MFSD6: variants seen among roughly 807,000 people sequenced by gnomAD.
The protein encoded by MFSD6 is major facilitator superfamily domain containing 6, also known as major facilitator superfamily domain-containing protein 6.
In MFSD6, 26 loss-of-function variants were observed where a neutral mutation model predicts 56.3. The observed-to-expected ratio is 0.46, with a 90% confidence interval of 0.34 to 0.64. The LOEUF (loss-of-function observed/expected upper bound fraction) is 0.64. MFSD6 is among the 30% of genes least tolerant of loss of function. The pLI, the probability that MFSD6 is intolerant of heterozygous loss-of-function variation, is 0.01. For synonymous variants in MFSD6, 331 were observed against 366.9 expected (o/e 0.90, Z 1.12); for missense variants, 750 against 986.2 (o/e 0.76, Z 3.21).
rs1356499223 is a variant in MFSD6 at position 190,487,924 on chromosome 2, C to CA, written c.1631-732dup. ...AATAATTTTTTTTTCTTTTTTGAGACAGAATCTTGCTCTGTTGCCAGGCTG... is the reference window on the plus strand; with the variant it reads ...AATAATTTTTTTTTCTTTTTTGAGACAAGAATCTTGCTCTGTTGCCAGGCTG... On this transcript the variant is annotated intron_variant, in intron 4 of 7. Coordinates refer to ENST00000392328, the MANE Select transcript of MFSD6 (RefSeq NM_017694.4). This position sits in a 1 kb window ranked among gnomAD's most constrained non-coding sequence, Gnocchi z 5.5. Among the ~76,000 whole-genome samples, 1 of 151,980 alleles carries CA rather than the reference C, an allele frequency of 6.6e-6. No homozygotes were observed. The highest frequency in any genetic ancestry group is 1.9e-4 in the East Asian group (1 of 5,190).
intron 1 of MFSD6, chr2:190,411,705 C>T: frequency 1.0e-6 from 1 of 985,346 alleles, no homozygotes; most frequent in Non-Finnish European, 1.2e-6. Context: ...CTCAGGAGAT[C>T]AAAGTGAAAG....
intron 2 of MFSD6, among the ~76,000 whole-genome samples, chr2:190,432,081 G>A (rs1215189859): frequency 6.6e-6 from 1 of 152,064 alleles, no homozygotes; most frequent in Non-Finnish European, 1.5e-5. Flanking sequence ...TATAATCCTT[G>A]GTAATTACTC....
chr2:190,498,187 T>G lies in MFSD6; in HGVS notation c.2172+468T>G, dbSNP rs1439242251. ...TATGCAGGTGGCCTCACCTGAAAAA[T>G]AAGTCTAAAAGTGTGATTTTTCTTG... is the stretch of plus-strand genomic sequence containing the variant. On this transcript the variant is annotated intron_variant, in intron 7 of 7. Transcript: ENST00000392328. This position sits in a 1 kb window ranked among gnomAD's most constrained non-coding sequence, Gnocchi z 5.9. 1.3e-5 allele frequency among the ~76,000 whole-genome samples: 2 copies of G among 152,086 alleles called. No homozygotes were observed. Among genetic ancestry groups the G allele is most frequent in the African/African-American group, 2.4e-5 (1 of 41,404 alleles).
rs767593724 is a variant in MFSD6, at chr2:190,412,588, A to G, written c.-175-2704A>G. 16 of 985,214 alleles carry G rather than the reference A, an allele frequency of 1.6e-5. No homozygotes were observed. Among genetic ancestry groups the G allele is most frequent in the Non-Finnish European group, 1.8e-5 (15 of 829,908 alleles). 61.0% of individuals were successfully genotyped at this position (985,214 alleles called of 1,614,324 possible). The stretch of plus-strand genomic sequence containing the variant: ...AAGCAAACAAACACATCTGATGTCA[A>G]TTCTGTGTGGGGCAATGAAAACACC... On this transcript the variant is annotated intron_variant, in intron 1 of 7. Coordinates refer to ENST00000392328, the MANE Select transcript of MFSD6 (RefSeq NM_017694.4). The surrounding 1 kb of genome is among the most constrained non-coding windows in gnomAD (Gnocchi z 4.1).
chr2:190,414,421 A>C (rs1014167409), intron 1 of MFSD6, among the ~76,000 whole-genome samples: 8 of 152,358 alleles, frequency 5.3e-5, no homozygotes, highest in Admixed American at 2.6e-4. Context: ...ATATGCCCCA[A>C]TTCACATTTA....
chr2:190,462,890 C>T lies in MFSD6; in HGVS notation c.1533-6868C>T, dbSNP rs1257979642. Among the ~76,000 whole-genome samples, 18 of 152,348 alleles carry T rather than the reference C, an allele frequency of 1.2e-4. No individual in the cohort carries two copies. Among genetic ancestry groups the T allele is most frequent in the Non-Finnish European group, 4.4e-5 (3 of 68,036 alleles). Reference sequence around the variant, plus strand: ...TGATTCTGTGGCCTTGTCTCCTCTCCTCTCTGGCCACTCTTACCACCATTC... The same window carrying T: ...TGATTCTGTGGCCTTGTCTCCTCTCTTCTCTGGCCACTCTTACCACCATTC... On this transcript the variant is annotated intron_variant, in intron 3 of 7. Coordinates refer to ENST00000392328, the MANE Select transcript of MFSD6 (RefSeq NM_017694.4). This position sits in a 1 kb window ranked among gnomAD's most constrained non-coding sequence, Gnocchi z 5.7.
In MFSD6 at chr2:190,497,805, CA is replaced by C. The variant is rs1168306507; in HGVS notation, c.2172+88del. 3 of 1,428,928 alleles carry C rather than the reference CA, an allele frequency of 2.1e-6. No homozygotes were observed. The highest frequency in any genetic ancestry group is 2.9e-5 in the African/African-American group (2 of 69,892). 88.5% of individuals were successfully genotyped at this position (1,428,928 alleles called of 1,614,324 possible). A position where few individuals can be genotyped will look rare whatever the true frequency, so the allele number is the denominator to read the frequency against. ...CAGTTTTAATTACTCACTTTTCATT[CA>C]ACAAGATTTATTGAAAGTCTGGTGG... On this transcript the variant is annotated intron_variant, in intron 7 of 7. Transcript: ENST00000392328. This position sits in a 1 kb window ranked among gnomAD's most constrained non-coding sequence, Gnocchi z 5.2.
At position 190,494,018 on chromosome 2, in the gene MFSD6, C is replaced by T. The variant is rs1689519266; in HGVS notation, c.1892-3421C>T. ...GGAAATAACCAAGATGAGAGAATAACTAAATGAAATTGAAGGAAAAAAAAT... is the reference window on the plus strand; with the variant it reads ...GGAAATAACCAAGATGAGAGAATAATTAAATGAAATTGAAGGAAAAAAAAT... On this transcript the variant is annotated intron_variant, in intron 6 of 7. Coordinates refer to ENST00000392328, the MANE Select transcript of MFSD6 (RefSeq NM_017694.4). The surrounding 1 kb of genome is among the most constrained non-coding windows in gnomAD (Gnocchi z 5.7). 6.6e-6 allele frequency among the ~76,000 whole-genome samples: 1 copy of T among 150,594 alleles called. No homozygotes were observed. Among genetic ancestry groups the T allele is most frequent in the Non-Finnish European group, 1.5e-5 (1 of 67,654 alleles).
In MFSD6 at chr2:190,465,219, G is replaced by A. The variant is rs914524075; in HGVS notation, c.1533-4539G>A. ...GGTGATTTGGGTTTTCCACAGGGTA[G>A]TGTTTTCTGCTGCATCATTTGCTTC... On this transcript the variant is annotated intron_variant, in intron 3 of 7. Transcript: ENST00000392328. The surrounding 1 kb of genome is among the most constrained non-coding windows in gnomAD (Gnocchi z 4.6). Among the ~76,000 whole-genome samples the A allele has an allele frequency of 1.3e-5, 2 of 152,190 alleles. No homozygotes were observed.
chr2:190,492,497 C>T lies in MFSD6; in HGVS notation c.1891+2631C>T, dbSNP rs1248022636. Among the ~76,000 whole-genome samples, 1 of 152,146 alleles carries T rather than the reference C, an allele frequency of 6.6e-6. No homozygotes were observed. The highest frequency in any genetic ancestry group is 1.5e-5 in the Non-Finnish European group (1 of 68,020). On this transcript the variant is annotated intron_variant, in intron 6 of 7. Coordinates refer to ENST00000392328, the MANE Select transcript of MFSD6 (RefSeq NM_017694.4). The surrounding 1 kb of genome is among the most constrained non-coding windows in gnomAD (Gnocchi z 5.2). ...AAGGGATTGAGGCCCTATGTTCAGC[C>T]TCATAATTAATTTCCATAAATAAAT...
rs890160578 is a variant in MFSD6 at position 190,427,739 on chromosome 2, C to CT, written c.-53-8229dup. On this transcript the variant is annotated intron_variant, in intron 2 of 7. Coordinates refer to ENST00000392328, the MANE Select transcript of MFSD6 (RefSeq NM_017694.4). ...AAGAAGTCTACCACTTTTTTTTTTT[C>CT]TTTTTTTTTGAGACAGAGTTTCACT... 1.5e-4 allele frequency among the ~76,000 whole-genome samples: 21 copies of CT among 140,478 alleles called. No homozygotes were observed. The East Asian group carries it at 2.1e-3, about 14-fold the overall frequency. 92.2% of individuals were successfully genotyped at this position (140,478 alleles called of 152,430 possible). A position where few individuals can be genotyped will look rare whatever the true frequency, so the allele number is the denominator to read the frequency against.
rs1432987569 is a variant in MFSD6 at position 190,489,744 on chromosome 2, A to C, written c.1793-24A>C. The C allele has an allele frequency of 6.2e-7, 1 of 1,603,636 alleles. No homozygotes were observed. The highest frequency in any genetic ancestry group is 8.5e-7 in the Non-Finnish European group (1 of 1,171,366). ...TATCTGCATTTCTTGGAATTACTCT[A>C]TAGAGTGCTGTTTGTTTTTATAGGG... On this transcript the variant is annotated intron_variant, in intron 5 of 7. Coordinates refer to ENST00000392328, the MANE Select transcript of MFSD6 (RefSeq NM_017694.4). The surrounding 1 kb of genome is among the most constrained non-coding windows in gnomAD (Gnocchi z 6.6).
Position 190,434,839 on chromosome 2 carries a change from CTA to C in MFSD6, c.-53-1137_-53-1136del, listed in dbSNP as rs1253034755. Among the ~76,000 whole-genome samples, 1 of 152,172 alleles carries C rather than the reference CTA, an allele frequency of 6.6e-6. No individual in the cohort carries two copies. Among genetic ancestry groups the C allele is most frequent in the African/African-American group, 2.4e-5 (1 of 41,432 alleles). ...TCCCCAACCCCTGGACCATGGACCG[CTA>C]CCACTCTGTGGCCTGTTAGGAATTG... is the stretch of plus-strand genomic sequence containing the variant. On this transcript the variant is annotated intron_variant, in intron 2 of 7. Coordinates refer to ENST00000392328, the MANE Select transcript of MFSD6 (RefSeq NM_017694.4). The surrounding 1 kb of genome is among the most constrained non-coding windows in gnomAD (Gnocchi z 4.3).
intron 3 of MFSD6, among the ~76,000 whole-genome samples, chr2:190,446,482 A>C (rs1431973797): frequency 6.6e-6 from 1 of 152,210 alleles, no homozygotes; most frequent in Non-Finnish European, 1.5e-5. Context: ...AAAGTAGTTT[A>C]AACTGGGAGA....
intron 1 of MFSD6, chr2:190,411,604 A>C (rs1484400441): frequency 1.0e-6 from 1 of 979,198 alleles, no homozygotes; most frequent in Non-Finnish European, 1.2e-6. Context: ...AGGAAAACAA[A>C]AGAAGACTAG....
At position 190,500,458 on chromosome 2, in the gene MFSD6, C is replaced by T; in HGVS notation, c.*240C>T. The T allele has an allele frequency of 1.9e-6, 1 of 523,286 alleles. No homozygotes were observed. The highest frequency in any genetic ancestry group is 3.4e-6 in the Non-Finnish European group (1 of 293,552). 32.4% of individuals were successfully genotyped at this position (523,286 alleles called of 1,614,324 possible). On this transcript the variant is annotated 3_prime_UTR_variant, in exon 8 of 8. Transcript: ENST00000392328. This position sits in a 1 kb window ranked among gnomAD's most constrained non-coding sequence, Gnocchi z 5.3. The stretch of plus-strand genomic sequence containing the variant: ...ACAGGGAAATGGAGTTCAATGAGGA[C>T]TTTCAGTTCTTTGCTTGGTTAGGTT...
intron 4 of MFSD6, among the ~76,000 whole-genome samples, chr2:190,475,164 A>G (rs1240056665): frequency 6.6e-6 from 1 of 152,200 alleles, no homozygotes; most frequent in African/African-American, 2.4e-5. Context: ...CAAGACAGGG[A>G]TGCCCTCTCT....
rs1046123605 is a variant in MFSD6 at position 190,443,766 on chromosome 2, G to A, written c.1532+6205G>A. Among the ~76,000 whole-genome samples, 3 of 152,144 alleles carry A rather than the reference G, an allele frequency of 2.0e-5. No individual in the cohort carries two copies. Among genetic ancestry groups the A allele is most frequent in the African/African-American group, 7.2e-5 (3 of 41,438 alleles). ...TATAAACAAAGGTTGTCTTCTTAAA[G>A]ATTAGTCTAGTCTGGGTGTGGCTCA... On this transcript the variant is annotated intron_variant, in intron 3 of 7. Coordinates refer to ENST00000392328, the MANE Select transcript of MFSD6 (RefSeq NM_017694.4). This position sits in a 1 kb window ranked among gnomAD's most constrained non-coding sequence, Gnocchi z 4.2.
At position 190,471,856 on chromosome 2, in the gene MFSD6, A is replaced by T. The variant is rs988387090; in HGVS notation, c.1630+2001A>T. ...GGCACCCCCCAGTAGGGGCAGACTG[A>T]TAACTCATACGGCCGGGTACCCCTC... On this transcript the variant is annotated intron_variant, in intron 4 of 7. Transcript: ENST00000392328. The surrounding 1 kb of genome is among the most constrained non-coding windows in gnomAD (Gnocchi z 4.7). Among the ~76,000 whole-genome samples the T allele has an allele frequency of 6.6e-6, 1 of 152,182 alleles. No homozygotes were observed. Among genetic ancestry groups the T allele is most frequent in the African/African-American group, 2.4e-5 (1 of 41,448 alleles).
Sources: allele counts gnomAD v4.1 joint callset (sites outside exome capture counted in the v4.1 genomes callset), GRCh38; gene constraint gnomAD v4.1.1; non-coding constraint Gnocchi (gnomAD v3.1); transcripts MANE v1.5; gene names NCBI Gene and HGNC (gene_info 2026-07-23, HGNC 2026-07-21).